Variants in KLF9 observed in about 807,000 individuals in gnomAD.
The protein encoded by KLF9 is Krueppel-like factor 9.
Under a neutral mutation model 17.3 loss-of-function variants are expected in KLF9, and 2 were observed. The observed-to-expected ratio is 0.12, with a 90% CI of 0.05 to 0.36. The LOEUF is 0.36. Among genes scored for constraint, KLF9 ranks in the 10% least tolerant of loss-of-function variants. The pLI, the probability that KLF9 is intolerant of heterozygous loss-of-function variation, is 1.00. For missense variants in KLF9, 226 were observed against 333.2 expected (o/e 0.68, Z 2.51); for synonymous variants, 138 against 139.2 (o/e 0.99, Z 0.06).
chr9:70,412,411 G>C (rs1441162582), intron 1 of KLF9, among the ~76,000 whole-genome samples: 1 of 152,122 alleles, frequency 6.6e-6, no homozygotes, highest in Non-Finnish European at 1.5e-5. Flanking sequence ...ATCCCTAAAA[G>C]GCTCGAAGTA....
Position 70,387,106 on chromosome 9 carries a change from A to G in KLF9, c.*670T>C, listed in dbSNP as rs975699703. The G allele has an allele frequency of 2.0e-5, 3 of 153,002 alleles. No homozygotes were observed. Among genetic ancestry groups the G allele is most frequent in the Non-Finnish European group, 4.4e-5 (3 of 68,358 alleles). 9.5% of individuals were successfully genotyped at this position (153,002 alleles called of 1,614,324 possible). A position where few individuals can be genotyped will look rare whatever the true frequency, so the allele number is the denominator to read the frequency against. ...TTCAGACTCTGCTTACCCATTGACTATAAGTAACTGTTTTTTGTTTTCAAG... is the reference window on the plus strand; with the variant it reads ...TTCAGACTCTGCTTACCCATTGACTGTAAGTAACTGTTTTTTGTTTTCAAG... On this transcript the variant is annotated 3_prime_UTR_variant, in exon 2 of 2. Coordinates refer to ENST00000377126, the MANE Select transcript of KLF9 (RefSeq NM_001206.4).
chr9:70,412,072 C>A (rs946828677), intron 1 of KLF9, among the ~76,000 whole-genome samples: 6 of 151,196 alleles, frequency 4.0e-5, no homozygotes, highest in African/African-American at 1.5e-4. Flanking sequence ...GAACTATTCC[C>A]TGAGGCCTCC....
At chr9:70,410,508 T>G (rs1007595061) in intron 1 of KLF9, among the ~76,000 whole-genome samples, 46 of 152,248 alleles carry the variant, frequency 3.0e-4, no homozygotes, top group African/African-American at 9.6e-4. Flanking sequence ...GTTTGAATGA[T>G]TCAACTTCTA....
chr9:70,403,879 C>G (rs977103458), intron 1 of KLF9, among the ~76,000 whole-genome samples: 3 of 152,128 alleles, frequency 2.0e-5, no homozygotes, highest in African/African-American at 7.2e-5. Flanking sequence ...CAACCATAAG[C>G]CAGAGTCAGA....
intron 1 of KLF9, among the ~76,000 whole-genome samples, chr9:70,409,618 T>C (rs1223915811): frequency 6.6e-6 from 1 of 152,128 alleles, no homozygotes; most frequent in Non-Finnish European, 1.5e-5. Flanking sequence ...TCAAATAATA[T>C]GCTTGATATA....
chr9:70,390,208 G>A (rs1335931723), intron 1 of KLF9, among the ~76,000 whole-genome samples: 2 of 152,210 alleles, frequency 1.3e-5, no homozygotes, highest in African/African-American at 4.8e-5. Context: ...CCCAATGTGG[G>A]TAAAACGAAT....
chr9:70,388,097 G>A, intron 1 of KLF9, 92 bp from the exon 2 acceptor site: 1 of 986,596 alleles, frequency 1.0e-6, no homozygotes, highest in Non-Finnish European at 1.5e-6. Context: ...CGACTCAAAG[G>A]ATAAATCCCT....
At position 70,386,572 on chromosome 9, in the gene KLF9, T is replaced by C. The variant is rs886686427; in HGVS notation, c.*1204A>G. The stretch of plus-strand genomic sequence containing the variant: ...ACTCTTGCACCTGAGAGTGGGAGTT[T>C]TGTAGGAACACAGGAAGGAGACCAA... On this transcript the variant is annotated 3_prime_UTR_variant, in exon 2 of 2. Coordinates refer to ENST00000377126, the MANE Select transcript of KLF9 (RefSeq NM_001206.4). 4 of 152,598 alleles carry C rather than the reference T, an allele frequency of 2.6e-5. No individual in the cohort carries two copies. Among genetic ancestry groups the C allele is most frequent in the Non-Finnish European group, 4.4e-5 (3 of 68,036 alleles). The allele number at this position is 152,598 out of a possible 1,614,324, so 9.5% of individuals were successfully genotyped here.
At chr9:70,391,501 G>T (rs540914254) in intron 1 of KLF9, among the ~76,000 whole-genome samples, 8 of 152,254 alleles carry the variant, frequency 5.3e-5, no homozygotes, top group African/African-American at 1.9e-4. Flanking sequence ...GACACCCACA[G>T]AGCCCCGAGA....
At chr9:70,406,421 A>T (rs1199668372) in intron 1 of KLF9, among the ~76,000 whole-genome samples, 4 of 152,184 alleles carry the variant, frequency 2.6e-5, no homozygotes, top group Non-Finnish European at 5.9e-5. Flanking sequence ...AAGGGTGGGG[A>T]TGTGCTTTCT....
chr9:70,402,159 T>A (rs2118919261), intron 1 of KLF9, among the ~76,000 whole-genome samples: 1 of 152,210 alleles, frequency 6.6e-6, no homozygotes, highest in African/African-American at 2.4e-5. Flanking sequence ...TGAACAAGCA[T>A]TTTGGGGCTG....
intron 1 of KLF9, among the ~76,000 whole-genome samples, chr9:70,412,400 C>T (rs1240865034): frequency 6.6e-6 from 1 of 152,156 alleles, no homozygotes; most frequent in East Asian, 1.9e-4. Context: ...AGTCCTTAGT[C>T]ATCCCTAAAA....
chr9:70,405,530 C>G (rs2037249923), intron 1 of KLF9, among the ~76,000 whole-genome samples: 1 of 152,148 alleles, frequency 6.6e-6, no homozygotes, highest in Non-Finnish European at 1.5e-5. Context: ...TAAACAAATT[C>G]AAAGGCCCAG....
Position 70,388,030 on chromosome 9 carries a change from T to C in KLF9, c.506-25A>G, listed in dbSNP as rs761167013. The C allele has an allele frequency of 8.2e-6, 13 of 1,588,674 alleles. 1 individual carries two copies. The South Asian group carries it at 1.3e-4, about 16-fold the overall frequency. On this transcript the variant is annotated intron_variant, in intron 1 of 1. Transcript: ENST00000377126. ...CCTAAGAGAAAGGAATCAGAAAGGA[T>C]ACAGCTCAAAGAACATGAAAAAAAT... is the stretch of plus-strand genomic sequence containing the variant.
intron 1 of KLF9, among the ~76,000 whole-genome samples, chr9:70,397,551 C>A (rs910364007): frequency 6.6e-6 from 1 of 152,168 alleles, no homozygotes; most frequent in Non-Finnish European, 1.5e-5. Flanking sequence ...CTATTTCCAC[C>A]TCTCCTACTT....
At chr9:70,398,578 T>C (rs572877151) in intron 1 of KLF9, among the ~76,000 whole-genome samples, 3 of 150,114 alleles carry the variant, frequency 2.0e-5, no homozygotes, top group Non-Finnish European at 4.4e-5. Flanking sequence ...AACCTCTGCC[T>C]CCCGGGTTCA....
At chr9:70,412,566 G>GGGGGC (rs1382928673) in intron 1 of KLF9, among the ~76,000 whole-genome samples, 2 of 152,108 alleles carry the variant, frequency 1.3e-5, no homozygotes, top group Admixed American at 6.5e-5. Flanking sequence ...GGAGAGTCCC[G>GGGGGC]GGGGCGGGGC....
At chr9:70,394,389 C>A (rs1029599683) in intron 1 of KLF9, among the ~76,000 whole-genome samples, 3 of 151,442 alleles carry the variant, frequency 2.0e-5, no homozygotes, top group Non-Finnish European at 2.9e-5. Context: ...AATTGAACAA[C>A]CATCCCTAAT....
chr9:70,407,838 A>G (rs1264239406), intron 1 of KLF9, among the ~76,000 whole-genome samples: 1 of 152,224 alleles, frequency 6.6e-6, no homozygotes, highest in African/African-American at 2.4e-5. Flanking sequence ...TTGCAGCCTT[A>G]GAAACCCATC....
Sources: gnomAD v4.1 joint callset for allele counts (sites outside exome capture counted in the v4.1 genomes callset) on GRCh38, gnomAD v4.1.1 for gene constraint, MANE v1.5 for transcripts, NCBI Gene and HGNC (gene_info 2026-07-23, HGNC 2026-07-21) for gene names.